Variants in MSRA observed in about 807,000 individuals in gnomAD.
MSRA encodes the protein methionine sulfoxide reductase A.
A neutral mutation model predicts 31.3 loss-of-function variants in MSRA; 54 were observed. The observed-to-expected ratio is 1.73, with a 90% CI of 1.39 to 2.17. The LOEUF (loss-of-function observed/expected upper bound fraction) is 2.17, where lower values mean the gene tolerates loss of function less well. Among genes scored for constraint, MSRA ranks in the 30% most tolerant of loss-of-function variants. The probability of loss-of-function intolerance (pLI) is 0.00; values close to 1 mark genes in which losing one functional copy is unlikely to be tolerated. For missense variants in MSRA, 507 were observed against 300.9 expected (o/e 1.69, Z -5.07); for synonymous variants, 169 against 116.5 (o/e 1.45, Z -2.90).
chr8:10,325,085 G>C (rs1315845050), intron 5 of MSRA, among the ~76,000 whole-genome samples: 1 of 152,174 alleles, frequency 6.6e-6, no homozygotes, highest in Non-Finnish European at 1.5e-5. Flanking sequence ...GGGCCACAGG[G>C]ATCTAAAGTG....
chr8:10,276,448 G>A (rs1325221352), intron 3 of MSRA, among the ~76,000 whole-genome samples: 2 of 152,204 alleles, frequency 1.3e-5, no homozygotes, highest in East Asian at 3.9e-4. Flanking sequence ...GACAATTCCG[G>A]CCTCACAATG....
chr8:10,426,070 G>A (rs1032624663), intron 5 of MSRA, among the ~76,000 whole-genome samples: 3 of 152,108 alleles, frequency 2.0e-5, no homozygotes, highest in Admixed American at 1.3e-4. Flanking sequence ...CCTTCAGTGG[G>A]CAGCCTCTTC....
At chr8:10,337,625 T>C in intron 5 of MSRA, 3 of 679,002 alleles carry the variant, frequency 4.4e-6, no homozygotes, top group East Asian at 2.7e-5. Context: ...GGTCCTGATA[T>C]TGGATATTGT....
chr8:10,209,705 A>G (rs967807293), intron 2 of MSRA, among the ~76,000 whole-genome samples: 12 of 152,294 alleles, frequency 7.9e-5, no homozygotes, highest in African/African-American at 2.9e-4. Context: ...GGTGAACTCT[A>G]AGGCCTCTGC....
intron 1 of MSRA, among the ~76,000 whole-genome samples, chr8:10,132,133 A>G (rs1391499767): frequency 6.6e-6 from 1 of 152,176 alleles, no homozygotes; most frequent in Non-Finnish European, 1.5e-5. Flanking sequence ...TGCTAATTTT[A>G]ATTTATCTGA....
At chr8:10,064,358 T>A (rs2628139) in intron 1 of MSRA, among the ~76,000 whole-genome samples, 148,119 of 150,130 alleles carry the variant, frequency 0.99, 73,054 homozygotes, top group East Asian at 0.99. Flanking sequence ...CTTTTGCCCA[T>A]TTTTTTTTTT....
At chr8:10,164,866 A>G (rs1804977687) in intron 1 of MSRA, among the ~76,000 whole-genome samples, 2 of 152,160 alleles carry the variant, frequency 1.3e-5, no homozygotes, top group African/African-American at 2.4e-5. Context: ...TGTCTCTACT[A>G]AAAATATAAA....
At chr8:10,398,042 A>G (rs749527895) in intron 5 of MSRA, among the ~76,000 whole-genome samples, 6 of 152,228 alleles carry the variant, frequency 3.9e-5, no homozygotes, top group Non-Finnish European at 5.9e-5. Context: ...ATTAGAGCAT[A>G]TTGACAAATT....
chr8:10,413,720 G>A (rs193166741), intron 5 of MSRA, among the ~76,000 whole-genome samples: 3 of 148,810 alleles, frequency 2.0e-5, no homozygotes, highest in East Asian at 3.9e-4. Flanking sequence ...TTAAAAAATC[G>A]CCAGAAGGGC....
At chr8:10,423,199 C>T (rs576783252) in intron 5 of MSRA, among the ~76,000 whole-genome samples, 2 of 152,210 alleles carry the variant, frequency 1.3e-5, no homozygotes, top group Admixed American at 1.3e-4. Context: ...CACCCTCTTC[C>T]TCCTCTCCAG....
chr8:10,283,820 TATATATATATATATATACAC>T (rs1389321412), intron 3 of MSRA, among the ~76,000 whole-genome samples: 2 of 71,098 alleles, frequency 2.8e-5, no homozygotes, highest in African/African-American at 1.0e-4. Flanking sequence ...TATATATATA[TATATATATATATATATACAC>T]ACACACACAC....
At chr8:10,400,813 A>C (rs180906444) in intron 5 of MSRA, among the ~76,000 whole-genome samples, 1 of 152,350 alleles carries the variant, frequency 6.6e-6, no homozygotes, top group East Asian at 1.9e-4. Context: ...CAGGTTTGTG[A>C]GTGAATGTAA....
intron 5 of MSRA, chr8:10,410,981 T>G (rs1247590544): frequency 6.6e-6 from 1 of 152,042 alleles, no homozygotes; most frequent in Non-Finnish European, 1.5e-5. Context: ...CCATTTTTCC[T>G]TTCTCCCTCC....
chr8:10,083,595 G>GTT (rs1798398332), intron 1 of MSRA, among the ~76,000 whole-genome samples: 1 of 152,162 alleles, frequency 6.6e-6, no homozygotes, highest in Non-Finnish European at 1.5e-5. Flanking sequence ...CAAAACCTGA[G>GTT]TTAAGTATCA....
intron 3 of MSRA, among the ~76,000 whole-genome samples, chr8:10,245,736 G>T (rs777448933): frequency 6.6e-4 from 101 of 152,218 alleles, no homozygotes; most frequent in Non-Finnish European, 1.2e-3. Context: ...ACATGGTGGT[G>T]GATGCAGAGA....
intron 5 of MSRA, among the ~76,000 whole-genome samples, chr8:10,324,481 C>T (rs1373914538): frequency 6.6e-6 from 1 of 152,126 alleles, no homozygotes; most frequent in Non-Finnish European, 1.5e-5. Flanking sequence ...GAGTGCTGCA[C>T]CGGGAGCTGC....
chr8:10,319,944 C>G lies in MSRA; in HGVS notation c.498C>G (p.Ala166=). The G allele has an allele frequency of 6.2e-7, 1 of 1,602,488 alleles. No individual in the cohort carries two copies. Among genetic ancestry groups the G allele is most frequent in the Non-Finnish European group, 8.5e-7 (1 of 1,174,796 alleles). The change falls in exon 5 of 6, where the codon GCC becomes GCG. Residue 166 remains alanine, a synonymous_variant. Coordinates refer to ENST00000317173, the MANE Select transcript of MSRA (RefSeq NM_012331.5). ...QYRSAIYPTS[A]KQMEAALSSK... ...GCTCGGCCATCTACCCGACCTCTGCCAAGCAAATGGAGGCAGCCCTGAGCT... is the reference window on the plus strand; with the variant it reads ...GCTCGGCCATCTACCCGACCTCTGCGAAGCAAATGGAGGCAGCCCTGAGCT...
chr8:10,252,144 C>T (rs35474349), intron 3 of MSRA, among the ~76,000 whole-genome samples: 46,521 of 152,094 alleles, frequency 0.31, 7,245 homozygotes, highest in Admixed American at 0.38. Context: ...TCCAAGACTG[C>T]TTTCTTTGTC....
chr8:10,166,327 T>A (rs936791611), intron 1 of MSRA, among the ~76,000 whole-genome samples: 3 of 152,224 alleles, frequency 2.0e-5, no homozygotes, highest in African/African-American at 7.2e-5. Flanking sequence ...TAATGGTGTG[T>A]ATGTGCATGT....
Sources: allele counts gnomAD v4.1 joint callset (sites outside exome capture counted in the v4.1 genomes callset), GRCh38; gene constraint gnomAD v4.1.1; transcripts MANE v1.5; gene names NCBI Gene and HGNC (gene_info 2026-07-23, HGNC 2026-07-21).